TTC29: variants seen among roughly 807,000 people sequenced by gnomAD.
The protein encoded by TTC29 is tetratricopeptide repeat domain 29, also known as tetratricopeptide repeat protein 29.
Under a neutral mutation model 58.1 loss-of-function variants are expected in TTC29, and 49 were observed. That is an observed-to-expected ratio of 0.84 (90% confidence interval 0.67 to 1.07). The LOEUF (loss-of-function observed/expected upper bound fraction) is 1.07, where lower values mean the gene tolerates loss of function less well. Ranked by LOEUF, TTC29 falls within the 50% of genes least tolerant of loss-of-function variation. The pLI, the probability that TTC29 is intolerant of heterozygous loss-of-function variation, is 0.00. For synonymous variants in TTC29, 209 were observed against 196.8 expected, an observed-to-expected ratio of 1.06 and a Z score of -0.52; for missense variants, 582 against 555.6, an observed-to-expected ratio of 1.05 and a Z score of -0.48.
intron 9 of TTC29, among the ~76,000 whole-genome samples, chr4:146,830,046 A>G (rs1411362227): frequency 2.0e-5 from 3 of 152,086 alleles, no homozygotes; most frequent in Non-Finnish European, 4.4e-5. Flanking sequence ...TTTACTTGTA[A>G]TTTCTCAACT....
At chr4:146,895,841 T>C (rs1034307340) in intron 6 of TTC29, among the ~76,000 whole-genome samples, 1 of 152,218 alleles carries the variant, frequency 6.6e-6, no homozygotes. Context: ...GTTTTTGTTT[T>C]GAAGGTCTTT....
At chr4:146,873,594 C>T (rs1317856011) in intron 7 of TTC29, among the ~76,000 whole-genome samples, 1 of 152,114 alleles carries the variant, frequency 6.6e-6, no homozygotes, top group Non-Finnish European at 1.5e-5. Flanking sequence ...ATTGAAATTC[C>T]ATGTAACTTT....
intron 8 of TTC29, among the ~76,000 whole-genome samples, chr4:146,854,425 T>C (rs1561190865): frequency 6.6e-6 from 1 of 152,198 alleles, no homozygotes; most frequent in Non-Finnish European, 1.5e-5. Flanking sequence ...GTGGCCACGT[T>C]ATTTCACGTT....
At chr4:146,896,961 G>T (rs10034043) in intron 6 of TTC29, among the ~76,000 whole-genome samples, 71,576 of 151,904 alleles carry the variant, frequency 0.47, 17,688 homozygotes, top group African/African-American at 0.6. Flanking sequence ...TTTAACAGGT[G>T]TGTTCTTTTT....
intron 4 of TTC29, among the ~76,000 whole-genome samples, chr4:146,924,991 T>A (rs1193031076): frequency 6.6e-6 from 1 of 152,070 alleles, no homozygotes; most frequent in African/African-American, 2.4e-5. Flanking sequence ...AAGTATGTTG[T>A]CTTGCTTCCC....
At chr4:146,839,026 CATTT>C (rs1204681381) in intron 8 of TTC29, among the ~76,000 whole-genome samples, 2 of 152,060 alleles carry the variant, frequency 1.3e-5, no homozygotes, top group South Asian at 2.1e-4. Context: ...TGTTCCAGTT[CATTT>C]GTTTTAAAAA....
chr4:146,916,332 T>C (rs1205467899), intron 4 of TTC29, among the ~76,000 whole-genome samples: 1 of 151,668 alleles, frequency 6.6e-6, no homozygotes, highest in Non-Finnish European at 1.5e-5. Context: ...GCCATATAAA[T>C]GTATAAAGAG....
At chr4:146,805,304 T>C (rs1750523032) in intron 10 of TTC29, among the ~76,000 whole-genome samples, 1 of 151,534 alleles carries the variant, frequency 6.6e-6, no homozygotes, top group African/African-American at 2.4e-5. Context: ...AGGCTGAAAA[T>C]TCCAAAAACC....
In TTC29 at chr4:146,707,033, GAA is replaced by G; in HGVS notation, c.*123_*124del. On this transcript the variant is annotated 3_prime_UTR_variant, in exon 13 of 13. Coordinates refer to ENST00000325106, the MANE Select transcript of TTC29 (RefSeq NM_031956.4). ...AACACACTGAAATGCAAAATCCAAT[GAA>G]AAGAGTCATAGTCCGTTTTATTATA... The G allele has an allele frequency of 3.3e-6, 2 of 606,508 alleles. No homozygotes were observed. Among genetic ancestry groups the G allele is most frequent in the Non-Finnish European group, 5.0e-6 (2 of 396,044 alleles). 37.6% of individuals were successfully genotyped at this position (606,508 alleles called of 1,614,324 possible).
At chr4:146,863,683 C>G (rs1579856683) in intron 8 of TTC29, among the ~76,000 whole-genome samples, 1 of 152,084 alleles carries the variant, frequency 6.6e-6, no homozygotes, top group Non-Finnish European at 1.5e-5. Context: ...GCTGAGAAAT[C>G]CCACCATCTG....
At chr4:146,750,312 C>T (rs948252816) in intron 11 of TTC29, among the ~76,000 whole-genome samples, 3 of 152,102 alleles carry the variant, frequency 2.0e-5, no homozygotes, top group African/African-American at 7.2e-5. Context: ...CGGCCCTATA[C>T]CTGCCTTTTA....
At chr4:146,722,064 GACAC>G (rs112579071) in intron 11 of TTC29, among the ~76,000 whole-genome samples, 29 of 151,256 alleles carry the variant, frequency 1.9e-4, no homozygotes, top group Admixed American at 5.9e-4. Context: ...ATTCACAATA[GACAC>G]ACACACACAC....
At chr4:146,770,589 A>G (rs912259257) in intron 11 of TTC29, among the ~76,000 whole-genome samples, 6 of 152,072 alleles carry the variant, frequency 3.9e-5, no homozygotes, top group African/African-American at 9.7e-5. Flanking sequence ...GCATAATTGC[A>G]TAAGAGATAA....
chr4:146,774,707 G>A (rs973648370), intron 11 of TTC29, among the ~76,000 whole-genome samples: 4 of 152,134 alleles, frequency 2.6e-5, no homozygotes, highest in Non-Finnish European at 5.9e-5. Flanking sequence ...GTTTTGGGTG[G>A]ACAGTTCTGT....
intron 6 of TTC29, among the ~76,000 whole-genome samples, chr4:146,891,062 C>CAATGATGATGAAGGGG (rs1320173800): frequency 6.6e-6 from 1 of 151,998 alleles, no homozygotes; most frequent in Non-Finnish European, 1.5e-5. Context: ...CTGACAACAG[C>CAATGATGATGAAGGGG]AATGATGATG....
At chr4:146,725,527 A>T (rs977342672) in intron 11 of TTC29, among the ~76,000 whole-genome samples, 57 of 152,090 alleles carry the variant, frequency 3.7e-4, no homozygotes, top group African/African-American at 1.3e-3. Flanking sequence ...ACAGAGTGAT[A>T]CCTTGTTTCA....
intron 6 of TTC29, among the ~76,000 whole-genome samples, chr4:146,875,467 G>A (rs1453535883): frequency 6.6e-6 from 1 of 152,022 alleles, no homozygotes; most frequent in Non-Finnish European, 1.5e-5. Flanking sequence ...ATCCTCTACT[G>A]CTTTTCCAAC....
intron 7 of TTC29, among the ~76,000 whole-genome samples, chr4:146,870,536 T>C (rs1337210615): frequency 1.3e-5 from 2 of 150,668 alleles, no homozygotes; most frequent in African/African-American, 2.4e-5. Context: ...ATAGTGAAAA[T>C]CAACAAAACA....
intron 5 of TTC29, among the ~76,000 whole-genome samples, chr4:146,905,848 A>G (rs936018676): frequency 3.9e-5 from 6 of 152,192 alleles, no homozygotes; most frequent in East Asian, 1.9e-4. Context: ...CTTAACCTCA[A>G]TGTTAGTTCA....
Sources: gnomAD v4.1 joint callset for allele counts (sites outside exome capture counted in the v4.1 genomes callset) on GRCh38, gnomAD v4.1.1 for gene constraint, MANE v1.5 for transcripts, NCBI Gene and HGNC (gene_info 2026-07-23, HGNC 2026-07-21) for gene names.